The following GRID2 variants were observed in gnomAD, a reference collection of about 807,000 sequenced individuals.
The protein encoded by GRID2 is glutamate ionotropic receptor delta type subunit 2.
Under a neutral mutation model 114.8 loss-of-function variants are expected in GRID2, and 33 were observed. The ratio of observed to expected loss-of-function variants is 0.29; its 90% CI spans 0.22 to 0.38. The LOEUF (loss-of-function observed/expected upper bound fraction) is 0.38. GRID2 is among the 10% of genes least tolerant of loss of function. The pLI is 1.00. For missense variants in GRID2, 1,184 were observed against 1,257.7 expected (o/e 0.94, Z 0.89); for synonymous variants, 505 against 449.9 (o/e 1.12, Z -1.55).
At chr4:92,832,860 A>T (rs1174324917) in intron 2 of GRID2, among the ~76,000 whole-genome samples, 1 of 152,182 alleles carries the variant, frequency 6.6e-6, no homozygotes, top group Non-Finnish European at 1.5e-5. Flanking sequence ...CTATGCATCC[A>T]AGTGGATATA....
intron 1 of GRID2, among the ~76,000 whole-genome samples, chr4:92,546,403 C>T (rs1462886913): frequency 6.6e-6 from 1 of 152,108 alleles, no homozygotes; most frequent in Non-Finnish European, 1.5e-5. Flanking sequence ...AGAAAAGCAA[C>T]GGCCCATAAA....
intron 2 of GRID2, among the ~76,000 whole-genome samples, chr4:93,028,876 CT>C (rs1388485248): frequency 2.0e-5 from 3 of 152,028 alleles, no homozygotes; most frequent in African/African-American, 7.2e-5. Flanking sequence ...AAAAGTGTGA[CT>C]TACAATTTCT....
chr4:92,728,278 G>A (rs1736157422), intron 2 of GRID2, among the ~76,000 whole-genome samples: 1 of 152,046 alleles, frequency 6.6e-6, no homozygotes, highest in Non-Finnish European at 1.5e-5. Flanking sequence ...TGTTACAGCT[G>A]AAAACAACAA....
intron 8 of GRID2, among the ~76,000 whole-genome samples, chr4:93,391,227 T>C (rs1764823449): frequency 6.6e-6 from 1 of 152,190 alleles, no homozygotes; most frequent in Non-Finnish European, 1.5e-5. Context: ...CTGCATTCAT[T>C]CACATGTCAA....
chr4:93,784,844 G>C (rs986008671), intron 1 of GRID2, among the ~76,000 whole-genome samples: 1 of 152,106 alleles, frequency 6.6e-6, no homozygotes, highest in Non-Finnish European at 1.5e-5. Context: ...TTCTAGGTAT[G>C]CTTTTACAGA....
chr4:93,497,494 A>C (rs1727665341), intron 12 of GRID2, among the ~76,000 whole-genome samples: 1 of 151,830 alleles, frequency 6.6e-6, no homozygotes, highest in Non-Finnish European at 1.5e-5. Context: ...ATAGTTTTAC[A>C]TTACACATTT....
At chr4:93,499,548 A>G (rs1727894713) in intron 12 of GRID2, among the ~76,000 whole-genome samples, 4 of 151,704 alleles carry the variant, frequency 2.6e-5, no homozygotes. Flanking sequence ...GGAGCTTTAC[A>G]TGCTCTTCTC....
chr4:93,254,401 CTGAG>C (rs1749333929), intron 8 of GRID2, among the ~76,000 whole-genome samples: 1 of 152,074 alleles, frequency 6.6e-6, no homozygotes, highest in Non-Finnish European at 1.5e-5. Flanking sequence ...TATAATCACC[CTGAG>C]TAAGTCACTT....
intron 8 of GRID2, among the ~76,000 whole-genome samples, chr4:93,300,803 C>T (rs1259766228): frequency 1.3e-5 from 2 of 152,202 alleles, no homozygotes; most frequent in Admixed American, 1.3e-4. Context: ...TTTAAGGGCT[C>T]ACAACACTAA....
At chr4:93,332,305 A>C (rs866499873) in intron 8 of GRID2, among the ~76,000 whole-genome samples, 2 of 147,808 alleles carry the variant, frequency 1.4e-5, no homozygotes, top group African/African-American at 2.5e-5. Context: ...TGTGTGAGAG[A>C]GAGAGAGAGA....
intron 8 of GRID2, among the ~76,000 whole-genome samples, chr4:93,394,191 A>C (rs1229945963): frequency 1.3e-5 from 2 of 151,996 alleles, no homozygotes; most frequent in Non-Finnish European, 2.9e-5. Flanking sequence ...AGAGGACCAC[A>C]ATGTCTTTGA....
intron 2 of GRID2, among the ~76,000 whole-genome samples, chr4:92,803,388 TTTAA>T (rs1201860245): frequency 1.3e-5 from 2 of 152,068 alleles, no homozygotes; most frequent in South Asian, 2.1e-4. Flanking sequence ...TAAATAGAAG[TTTAA>T]TTATTTATAT....
At chr4:93,285,131 A>G (rs1753011829) in intron 8 of GRID2, among the ~76,000 whole-genome samples, 1 of 151,074 alleles carries the variant, frequency 6.6e-6, no homozygotes, top group East Asian at 2.0e-4. Flanking sequence ...TTTATATCCA[A>G]TAGGTAATAC....
In GRID2 at chr4:92,479,853, T is replaced by C. The variant is rs185511047; in HGVS notation, c.89-110278T>C. 3.9e-5 allele frequency among the ~76,000 whole-genome samples: 6 copies of C among 152,164 alleles called. 1 individual carries two copies. Among genetic ancestry groups the C allele is most frequent in the Admixed American group, 3.9e-4 (6 of 15,268 alleles). ...GGCTTGATCTGGACTTTGGAGAAAA[T>C]AGAGAGGCAATTAGGGAGACATAAT... is the stretch of plus-strand genomic sequence containing the variant. On this transcript the variant is annotated intron_variant, in intron 1 of 15. Transcript: ENST00000282020.
intron 2 of GRID2, among the ~76,000 whole-genome samples, chr4:92,708,921 A>G (rs1735079533): frequency 6.6e-6 from 1 of 152,104 alleles, no homozygotes; most frequent in Non-Finnish European, 1.5e-5. Flanking sequence ...CCGTCTCTAA[A>G]TAAATAAATA....
chr4:92,894,290 G>GT (rs943396143), intron 2 of GRID2, among the ~76,000 whole-genome samples: 13 of 151,998 alleles, frequency 8.6e-5, no homozygotes, highest in African/African-American at 3.1e-4. Flanking sequence ...ATGATTGGAT[G>GT]TTTATTTGCT....
At chr4:92,594,963 T>C (rs998420506) in intron 2 of GRID2, among the ~76,000 whole-genome samples, 1 of 151,986 alleles carries the variant, frequency 6.6e-6, no homozygotes, top group Non-Finnish European at 1.5e-5. Context: ...ATGGTATATT[T>C]GTAGAAATCC....
chr4:93,587,952 C>A (rs1366356133), intron 13 of GRID2, among the ~76,000 whole-genome samples: 3 of 151,980 alleles, frequency 2.0e-5, no homozygotes, highest in Admixed American at 6.6e-5. Context: ...ATTAGATAAA[C>A]CCAGGGATGA....
chr4:93,478,050 C>A (rs912690929), intron 11 of GRID2, among the ~76,000 whole-genome samples: 1 of 152,010 alleles, frequency 6.6e-6, no homozygotes, highest in Non-Finnish European at 1.5e-5. Flanking sequence ...TGTAATGTAG[C>A]CCACCTTACA....
Sources: allele counts gnomAD v4.1 joint callset (sites outside exome capture counted in the v4.1 genomes callset), GRCh38; gene constraint gnomAD v4.1.1; transcripts MANE v1.5; gene names NCBI Gene and HGNC (gene_info 2026-07-23, HGNC 2026-07-21).